The following RSRC1 variants were observed in gnomAD, a reference collection of about 807,000 sequenced individuals.
RSRC1 encodes the protein serine/Arginine-related protein 53.
In RSRC1, 39 loss-of-function variants were observed where a neutral mutation model predicts 49.1. The ratio of observed to expected loss-of-function variants is 0.79; its 90% CI spans 0.61 to 1.04. The LOEUF (loss-of-function observed/expected upper bound fraction) is 1.04. Among genes scored for constraint, RSRC1 ranks in the 50% least tolerant of loss-of-function variants. The pLI is 0.00. For missense variants in RSRC1, 388 were observed against 402.4 expected, an observed-to-expected ratio of 0.96 and a Z score of 0.31; for synonymous variants, 143 against 130.8, an observed-to-expected ratio of 1.09 and a Z score of -0.63.
chr3:158,133,465 C>G (rs1221162615), intron 3 of RSRC1, among the ~76,000 whole-genome samples: 1 of 152,122 alleles, frequency 6.6e-6, no homozygotes, highest in Non-Finnish European at 1.5e-5. Flanking sequence ...TAAATAAGAT[C>G]ACAAACTGAA....
At chr3:158,396,612 C>T (rs1339912098) in intron 6 of RSRC1, among the ~76,000 whole-genome samples, 3 of 151,970 alleles carry the variant, frequency 2.0e-5, no homozygotes. Context: ...TTAAGCTGCA[C>T]CCATACTATA....
At chr3:158,494,295 A>T (rs1051909633) in intron 7 of RSRC1, among the ~76,000 whole-genome samples, 1 of 152,202 alleles carries the variant, frequency 6.6e-6, no homozygotes, top group Non-Finnish European at 1.5e-5. Flanking sequence ...GTCTCAAAAC[A>T]TAGAAAAGTT....
intron 5 of RSRC1, among the ~76,000 whole-genome samples, chr3:158,325,446 T>A (rs1477518174): frequency 6.6e-6 from 1 of 152,244 alleles, no homozygotes; most frequent in Non-Finnish European, 1.5e-5. Flanking sequence ...TTTCTACATA[T>A]GGCTAGCCAG....
intron 4 of RSRC1, among the ~76,000 whole-genome samples, chr3:158,209,817 G>T (rs551341760): frequency 1.3e-5 from 2 of 152,206 alleles, no homozygotes; most frequent in African/African-American, 4.8e-5. Flanking sequence ...ATATGGGGAT[G>T]GTGGTACTTA....
At chr3:158,503,261 G>A (rs1739689321) in intron 7 of RSRC1, among the ~76,000 whole-genome samples, 2 of 152,074 alleles carry the variant, frequency 1.3e-5, no homozygotes, top group South Asian at 4.2e-4. Flanking sequence ...CCTCAGCTGT[G>A]GATACCAGCA....
At chr3:158,358,572 T>C (rs1731285767) in intron 6 of RSRC1, among the ~76,000 whole-genome samples, 1 of 152,178 alleles carries the variant, frequency 6.6e-6, no homozygotes, top group Non-Finnish European at 1.5e-5. Flanking sequence ...ATATGACAGA[T>C]GTGTGTTTTT....
chr3:158,372,071 A>G (rs1043321921), intron 6 of RSRC1, among the ~76,000 whole-genome samples: 1 of 143,110 alleles, frequency 7.0e-6, no homozygotes, highest in Non-Finnish European at 1.6e-5. Flanking sequence ...TCTGAGTAAA[A>G]GTTCATGATC....
intron 7 of RSRC1, among the ~76,000 whole-genome samples, chr3:158,493,752 T>C (rs1739193817): frequency 6.6e-6 from 1 of 152,148 alleles, no homozygotes; most frequent in African/African-American, 2.4e-5. Context: ...GAATGATCAG[T>C]TGGCCATCTG....
chr3:158,146,657 C>T (rs562218713), intron 3 of RSRC1, among the ~76,000 whole-genome samples: 1 of 152,088 alleles, frequency 6.6e-6, no homozygotes, highest in African/African-American at 2.4e-5. Flanking sequence ...ATGAGTTAGG[C>T]AGGATTCCCT....
At chr3:158,200,840 T>C (rs1187467559) in intron 3 of RSRC1, among the ~76,000 whole-genome samples, 1 of 152,134 alleles carries the variant, frequency 6.6e-6, no homozygotes, top group East Asian at 1.9e-4. Flanking sequence ...GTATAAACCT[T>C]AGAGTAAAAT....
intron 7 of RSRC1, among the ~76,000 whole-genome samples, chr3:158,488,146 G>A (rs1296468897): frequency 2.0e-5 from 3 of 151,962 alleles, no homozygotes; most frequent in Admixed American, 1.3e-4. Context: ...TTCCAAAAGT[G>A]AAGGTTTACA....
At chr3:158,170,960 C>G (rs575679222) in intron 3 of RSRC1, among the ~76,000 whole-genome samples, 36 of 152,224 alleles carry the variant, frequency 2.4e-4, no homozygotes, top group Admixed American at 2.2e-3. Flanking sequence ...GTAGCTCAGA[C>G]TCCAAGAAAA....
At chr3:158,379,965 T>C (rs1360858333) in intron 6 of RSRC1, among the ~76,000 whole-genome samples, 1 of 152,074 alleles carries the variant, frequency 6.6e-6, no homozygotes, top group Non-Finnish European at 1.5e-5. Context: ...AGGGTAAGGA[T>C]TGTTATCTGC....
chr3:158,174,487 A>C (rs1719079390), intron 3 of RSRC1, among the ~76,000 whole-genome samples: 1 of 151,976 alleles, frequency 6.6e-6, no homozygotes, highest in Admixed American at 6.6e-5. Context: ...GAATGTTAAG[A>C]ATACCCTTGA....
chr3:158,381,998 AT>A (rs904144423), intron 6 of RSRC1, among the ~76,000 whole-genome samples: 36 of 152,140 alleles, frequency 2.4e-4, no homozygotes, highest in African/African-American at 4.3e-4. Context: ...ATAAATTTTA[AT>A]TTTTTTTAAC....
chr3:158,332,971 GT>G (rs371669802), intron 5 of RSRC1, among the ~76,000 whole-genome samples: 91 of 136,070 alleles, frequency 6.7e-4, no homozygotes, highest in Middle Eastern at 3.8e-3. Context: ...TCTGTTTTTT[GT>G]TTTTTTTTTT....
intron 4 of RSRC1, among the ~76,000 whole-genome samples, chr3:158,206,695 C>G (rs751309919): frequency 6.6e-6 from 1 of 152,092 alleles, no homozygotes; most frequent in Non-Finnish European, 1.5e-5. Context: ...GGGTGGATCA[C>G]CTGAGGTCAG....
intron 4 of RSRC1, among the ~76,000 whole-genome samples, chr3:158,287,858 G>T (rs1726666818): frequency 6.6e-6 from 1 of 152,158 alleles, no homozygotes; most frequent in African/African-American, 2.4e-5. Flanking sequence ...AGAACCAGAT[G>T]TGATTTTGAA....
At chr3:158,128,983 C>G (rs1447572946) in intron 3 of RSRC1, among the ~76,000 whole-genome samples, 5 of 152,056 alleles carry the variant, frequency 3.3e-5, no homozygotes, top group Non-Finnish European at 5.9e-5. Flanking sequence ...GTCTGTGATA[C>G]TGCTATGTCA....
Sources: allele counts gnomAD v4.1 joint callset (sites outside exome capture counted in the v4.1 genomes callset), GRCh38; gene constraint gnomAD v4.1.1; transcripts MANE v1.5; gene names NCBI Gene and HGNC (gene_info 2026-07-23, HGNC 2026-07-21).